The following NEK1 variants were observed in gnomAD, a reference collection of about 807,000 sequenced individuals.
NEK1 encodes serine/threonine-protein kinase Nek1.
Under a neutral mutation model 182.1 loss-of-function variants are expected in NEK1, and 137 were observed. The ratio of observed to expected loss-of-function variants is 0.75; its 90% CI spans 0.65 to 0.87. The LOEUF is 0.87. Ranked by LOEUF, NEK1 falls within the 40% of genes least tolerant of loss-of-function variation. The pLI is 0.00. For missense variants in NEK1, 1,391 were observed against 1,494.4 expected (o/e 0.93, Z 1.14); for synonymous variants, 513 against 492.2 (o/e 1.04, Z -0.56).
chr4:169,431,929 C>CCA (rs145051207), intron 29 of NEK1, among the ~76,000 whole-genome samples: 3,761 of 148,548 alleles, frequency 0.025, 67 homozygotes, highest in African/African-American at 0.047. Flanking sequence ...CATGGCAAAA[C>CCA]CACACACACA....
chr4:169,400,836 C>G (rs1731548683), intron 33 of NEK1, among the ~76,000 whole-genome samples, 185 bp from the exon 34 acceptor site: 1 of 151,318 alleles, frequency 6.6e-6, no homozygotes, highest in Non-Finnish European at 1.5e-5. Context: ...ATAAATCTGT[C>G]TAAACAAGAA....
At chr4:169,408,475 A>AT (rs961276345) in intron 31 of NEK1, among the ~76,000 whole-genome samples, 11 of 151,854 alleles carry the variant, frequency 7.2e-5, no homozygotes, top group South Asian at 2.1e-4. Context: ...AATACAAATG[A>AT]TTTTTTTTAT....
At chr4:169,518,483 G>C (rs1237125595) in intron 19 of NEK1, among the ~76,000 whole-genome samples, 1 of 118,686 alleles carries the variant, frequency 8.4e-6, no homozygotes, top group Non-Finnish European at 1.7e-5. Flanking sequence ...TTTTTTGAAG[G>C]GTTTTTTGTG....
chr4:169,569,934 C>T (rs900253730), intron 12 of NEK1, among the ~76,000 whole-genome samples: 6 of 152,060 alleles, frequency 3.9e-5, no homozygotes, highest in South Asian at 2.1e-4. Flanking sequence ...AAGTGAGGAG[C>T]GTCTCTGCCT....
At chr4:169,562,051 G>C (rs1763005238) in intron 13 of NEK1, 86 bp downstream of exon 13, 1 of 1,186,406 alleles carries the variant, frequency 8.4e-7, no homozygotes, top group Non-Finnish European at 1.2e-6. Flanking sequence ...ATAAGGAAAG[G>C]TTTGGAGGCT....
intron 23 of NEK1, among the ~76,000 whole-genome samples, chr4:169,502,253 A>C (rs945860234): frequency 6.6e-6 from 1 of 151,720 alleles, no homozygotes; most frequent in Non-Finnish European, 1.5e-5. Context: ...TAAAAAAAAA[A>C]AACTACCAAT....
At chr4:169,407,803 A>G (rs1266334264) in intron 31 of NEK1, among the ~76,000 whole-genome samples, 6 of 152,250 alleles carry the variant, frequency 3.9e-5, no homozygotes, top group Non-Finnish European at 8.8e-5. Flanking sequence ...TTAGCATATT[A>G]ATGAAAACTT....
chr4:169,523,691 T>G (rs1274385506), intron 19 of NEK1, among the ~76,000 whole-genome samples: 1 of 152,214 alleles, frequency 6.6e-6, no homozygotes, highest in African/African-American at 2.4e-5. Flanking sequence ...AATATAGAGG[T>G]AATGCATATA....
intron 2 of NEK1, among the ~76,000 whole-genome samples, chr4:169,603,903 G>A (rs1045253503): frequency 1.3e-5 from 2 of 151,840 alleles, no homozygotes; most frequent in African/African-American, 2.4e-5. Context: ...ACGGGGTTTC[G>A]CCATGTTGGC....
At chr4:169,611,232 G>A (rs1277443703) in intron 2 of NEK1, among the ~76,000 whole-genome samples, 5 of 152,134 alleles carry the variant, frequency 3.3e-5, no homozygotes, top group African/African-American at 9.7e-5. Flanking sequence ...CAAGTCCGAC[G>A]ACCTTTATTA....
At chr4:169,513,871 T>G (rs2149716205) in intron 19 of NEK1, among the ~76,000 whole-genome samples, 1 of 152,328 alleles carries the variant, frequency 6.6e-6, no homozygotes, top group East Asian at 1.9e-4. Flanking sequence ...TGAATCACAT[T>G]GATTTTTTAA....
Position 169,555,833 on chromosome 4 carries a change from A to C in NEK1, c.1449T>G (p.Val483=), listed in dbSNP as rs1241474424. The C allele has an allele frequency of 1.9e-6, 3 of 1,613,950 alleles. No homozygotes were observed. The highest frequency in any genetic ancestry group is 2.5e-6 in the Non-Finnish European group (3 of 1,179,830). The part of the protein sequence containing the change: ...GLPERGILPG[V]RPGFPYGAAG... ...CAGCCCCATAAGGAAATCCTGGACG[A>C]ACTCCAGGCAGAATTCCTCTGTAGA... Residue 483 remains valine, a synonymous_variant, in exon 18 of 36, where the codon GTT becomes GTG. Coordinates refer to ENST00000507142, the MANE Select transcript of NEK1 (RefSeq NM_001199397.3).
intron 10 of NEK1, among the ~76,000 whole-genome samples, chr4:169,582,722 T>C (rs1487831492): frequency 2.0e-5 from 3 of 152,172 alleles, no homozygotes; most frequent in Non-Finnish European, 4.4e-5. Flanking sequence ...CCCTACGTTA[T>C]GTTTTCCAAT....
chr4:169,462,303 T>A (rs768283480), intron 27 of NEK1, among the ~76,000 whole-genome samples: 3 of 152,144 alleles, frequency 2.0e-5, no homozygotes, highest in Non-Finnish European at 4.4e-5. Context: ...TTTTAATTAG[T>A]ATTTGGCATA....
intron 32 of NEK1, among the ~76,000 whole-genome samples, chr4:169,403,164 A>G (rs187201815): frequency 4.6e-5 from 7 of 152,332 alleles, no homozygotes; most frequent in Admixed American, 3.3e-4. Context: ...AACGCCTACA[A>G]TTTGACTTGT....
At chr4:169,416,373 T>C (rs997204098) in intron 31 of NEK1, among the ~76,000 whole-genome samples, 7 of 152,246 alleles carry the variant, frequency 4.6e-5, no homozygotes, top group African/African-American at 1.7e-4. Context: ...TTTTCACTTA[T>C]TTGTTCCTTC....
chr4:169,594,214 C>G, intron 5 of NEK1, among the ~76,000 whole-genome samples: 1 of 152,222 alleles, frequency 6.6e-6, no homozygotes, highest in Middle Eastern at 3.4e-3. Flanking sequence ...TTAGTACAGA[C>G]GGCCTTATAG....
chr4:169,507,174 A>G, intron 22 of NEK1, 42 bp from the exon 23 acceptor site: 1 of 1,027,472 alleles, frequency 9.7e-7, no homozygotes. Context: ...ACCAGAAAGA[A>G]GGGCAGAGGT....
chr4:169,507,544 T>C (rs539824124), intron 22 of NEK1, among the ~76,000 whole-genome samples, 171 bp downstream of exon 22: 1 of 151,938 alleles, frequency 6.6e-6, no homozygotes, highest in South Asian at 2.1e-4. Flanking sequence ...ATAAACATAA[T>C]ACAAAAAGAG....
Sources: gnomAD v4.1 joint callset for allele counts (sites outside exome capture counted in the v4.1 genomes callset) on GRCh38, gnomAD v4.1.1 for gene constraint, MANE v1.5 for transcripts, NCBI Gene and HGNC (gene_info 2026-07-23, HGNC 2026-07-21) for gene names.